SYN3: variants seen among roughly 807,000 people sequenced by gnomAD.
SYN3 encodes synapsin-3.
SYN3 carries 35 observed loss-of-function variants against 65.8 expected under a neutral mutation model. The observed-to-expected ratio is 0.53, with a 90% CI of 0.41 to 0.70. The LOEUF is 0.70. Among genes scored for constraint, SYN3 ranks in the 30% least tolerant of loss-of-function variants. SYN3 has a pLI of 0.00. For synonymous variants in SYN3, 270 were observed against 292.9 expected, an observed-to-expected ratio of 0.92 and a Z score of 0.80; for missense variants, 680 against 749.0, an observed-to-expected ratio of 0.91 and a Z score of 1.08.
At chr22:32,792,792 A>G (rs551830046) in intron 6 of SYN3, among the ~76,000 whole-genome samples, 1 of 152,268 alleles carries the variant, frequency 6.6e-6, no homozygotes, top group African/African-American at 2.4e-5. Context: ...TGAGCACTCA[A>G]CGAGAACCCA....
intron 4 of SYN3, among the ~76,000 whole-genome samples, chr22:32,881,187 G>A (rs974090242): frequency 4.6e-5 from 7 of 152,218 alleles, no homozygotes; most frequent in Non-Finnish European, 7.3e-5. Flanking sequence ...GCTGTTCCTC[G>A]GCAGCGGCTG....
chr22:32,831,854 C>A (rs542949529), intron 6 of SYN3, among the ~76,000 whole-genome samples: 9 of 152,244 alleles, frequency 5.9e-5, no homozygotes, highest in South Asian at 4.1e-4. Context: ...TGCACCCCCC[C>A]CAACCTCCAC....
At chr22:32,988,426 G>A (rs1413449363) in intron 2 of SYN3, among the ~76,000 whole-genome samples, 1 of 151,832 alleles carries the variant, frequency 6.6e-6, no homozygotes, top group African/African-American at 2.4e-5. Context: ...GGGGTGCAGG[G>A]GAAATTGGAC....
In SYN3 at chr22:32,556,795, GGTTTCCTGGTTTTTTTTTT is replaced by G. The variant is rs1337258459; in HGVS notation, c.775-15101_775-15083del. ...CAATGACCCAATGACCCAATCTATA[GGTTTCCTGGTTTTTTTTTT>G]TTTTTTTTTTTTTTTTTTTTTGTGT... On this transcript the variant is annotated intron_variant, in intron 7 of 13. Coordinates refer to ENST00000358763, the MANE Select transcript of SYN3 (RefSeq NM_003490.4). Among the ~76,000 whole-genome samples, 8 of 87,212 alleles carry G rather than the reference GGTTTCCTGGTTTTTTTTTT, an allele frequency of 9.2e-5. 1 individual carries two copies. The highest frequency in any genetic ancestry group is 2.4e-4 in the Admixed American group (2 of 8,488). 57.2% of individuals were successfully genotyped at this position (87,212 alleles called of 152,430 possible). A position where few individuals can be genotyped will look rare whatever the true frequency, so the allele number is the denominator to read the frequency against.
rs146409670 is a variant in SYN3, at chr22:32,756,224, A to C, written c.711+108691T>G. On this transcript the variant is annotated intron_variant, in intron 6 of 13. Transcript: ENST00000358763. ...TCCCAGAACTTAAAGTTCAATTAAA[A>C]AAAAAAAGTTAACTGGAGTCCCCTA... Among the ~76,000 whole-genome samples, 1,465 of 152,232 alleles carry C rather than the reference A, an allele frequency of 9.6e-3. 31 individuals are homozygous for C. The highest frequency in any genetic ancestry group is 0.034 in the African/African-American group (1,427 of 41,526).
intron 4 of SYN3, among the ~76,000 whole-genome samples, chr22:32,908,959 A>G (rs1447268558): frequency 6.6e-6 from 1 of 152,182 alleles, no homozygotes; most frequent in Non-Finnish European, 1.5e-5. Flanking sequence ...CAAGAGAAAG[A>G]CTGGACATTC....
In SYN3 at chr22:33,041,619, C is replaced by A. The variant is rs139424636; in HGVS notation, c.-163+16673G>T. ...GGCCTGCACTAGGAACTCTTTCTAACCTGTGCCAGCTTCATCTCCCACTAG... is the reference window on the plus strand; with the variant it reads ...GGCCTGCACTAGGAACTCTTTCTAAACTGTGCCAGCTTCATCTCCCACTAG... On this transcript the variant is annotated intron_variant, in intron 1 of 13. Coordinates refer to ENST00000358763, the MANE Select transcript of SYN3 (RefSeq NM_003490.4). Among the ~76,000 whole-genome samples, 564 of 152,220 alleles carry A rather than the reference C, an allele frequency of 3.7e-3. 5 individuals are homozygous for A. The highest frequency in any genetic ancestry group is 0.02 in the Middle Eastern group (6 of 294).
At chr22:32,555,027 C>T (rs1458516355) in intron 7 of SYN3, among the ~76,000 whole-genome samples, 2 of 152,310 alleles carry the variant, frequency 1.3e-5, no homozygotes, top group Middle Eastern at 3.4e-3. Context: ...TTATAACTAT[C>T]ATTATTATTC....
intron 7 of SYN3, among the ~76,000 whole-genome samples, chr22:32,551,542 G>A (rs560463256): frequency 4.0e-5 from 6 of 148,584 alleles, no homozygotes; most frequent in Non-Finnish European, 6.0e-5. Flanking sequence ...AAAAAAAACA[G>A]AGGAGACTGA....
At chr22:32,580,682 G>T (rs2058926740) in intron 7 of SYN3, among the ~76,000 whole-genome samples, 1 of 152,166 alleles carries the variant, frequency 6.6e-6, no homozygotes, top group African/African-American at 2.4e-5. Context: ...TCAAATTTCA[G>T]TGTCCATGAG....
intron 6 of SYN3, chr22:32,859,096 A>AG (rs2048460834): frequency 7.1e-7 from 1 of 1,404,928 alleles, no homozygotes; most frequent in African/African-American, 1.4e-5. Context: ...CAGTGGCCCC[A>AG]GGGTCTGAAT....
chr22:32,900,617 G>A (rs545037048), intron 4 of SYN3, among the ~76,000 whole-genome samples: 1 of 150,262 alleles, frequency 6.7e-6, no homozygotes, highest in Non-Finnish European at 1.5e-5. Context: ...GTGACATGTC[G>A]GCTTCCCTAT....
Position 32,918,275 on chromosome 22 carries a change from C to T in SYN3, c.461+13115G>A, listed in dbSNP as rs112331920. Among the ~76,000 whole-genome samples, 469 of 152,214 alleles carry T rather than the reference C, an allele frequency of 3.1e-3. 1 individual carries two copies. Among genetic ancestry groups the T allele is most frequent in the Non-Finnish European group, 5.1e-3 (350 of 68,000 alleles). On this transcript the variant is annotated intron_variant, in intron 4 of 13. Coordinates refer to ENST00000358763, the MANE Select transcript of SYN3 (RefSeq NM_003490.4). Reference sequence around the variant, plus strand: ...AAGGAAGGTTCAGTCCAGGGGGAGACGGGGGAAGTAAATAATAATTACCCT... The same window carrying T: ...AAGGAAGGTTCAGTCCAGGGGGAGATGGGGGAAGTAAATAATAATTACCCT...
At chr22:32,676,866 A>G (rs2060453884) in intron 6 of SYN3, among the ~76,000 whole-genome samples, 1 of 151,924 alleles carries the variant, frequency 6.6e-6, no homozygotes, top group Non-Finnish European at 1.5e-5. Flanking sequence ...TTCAAATGGC[A>G]CCCACGTGAC....
rs183532379 is a variant in SYN3, at chr22:32,702,346, C to T, written c.712-105610G>A. ...CAAAAAAATTAGCCGGGCGTGGTGG[C>T]GGGTGCCTGTAGTCCCAGCTACTCG... On this transcript the variant is annotated intron_variant, in intron 6 of 13. Transcript: ENST00000358763. 1.9e-3 allele frequency among the ~76,000 whole-genome samples: 290 copies of T among 152,184 alleles called. 2 individuals carry two copies. The highest frequency in any genetic ancestry group is 6.7e-3 in the African/African-American group (278 of 41,530).
chr22:32,636,762 T>A (rs1359301945), intron 6 of SYN3, among the ~76,000 whole-genome samples: 1 of 152,212 alleles, frequency 6.6e-6, no homozygotes, highest in East Asian at 1.9e-4. Flanking sequence ...TCAGGAGATT[T>A]GGACACAGGC....
At chr22:32,725,493 T>C (rs1381758589) in intron 6 of SYN3, among the ~76,000 whole-genome samples, 1 of 152,230 alleles carries the variant, frequency 6.6e-6, no homozygotes, top group Non-Finnish European at 1.5e-5. Flanking sequence ...GGGACTTTGC[T>C]GATGTGATGA....
At position 32,912,457 on chromosome 22, in the gene SYN3, T is replaced by C. The variant is rs974229366; in HGVS notation, c.461+18933A>G. On this transcript the variant is annotated intron_variant, in intron 4 of 13. Transcript: ENST00000358763. ...TTGGCTGGGCACGGTGGCTCACACC[T>C]GTAATCCCAGCACTTTGAGAGGTCG... Among the ~76,000 whole-genome samples, 8 of 152,214 alleles carry C rather than the reference T, an allele frequency of 5.3e-5. 1 individual carries two copies. In the East Asian group the frequency reaches 5.8e-4, roughly 11 times the overall value.
chr22:32,760,426 A>C (rs2045446574), intron 6 of SYN3, among the ~76,000 whole-genome samples: 1 of 152,014 alleles, frequency 6.6e-6, no homozygotes, highest in Non-Finnish European at 1.5e-5. Context: ...GATGAAGGGG[A>C]GTGACATCCC....
Sources: gnomAD v4.1 joint callset for allele counts (sites outside exome capture counted in the v4.1 genomes callset) on GRCh38, gnomAD v4.1.1 for gene constraint, MANE v1.5 for transcripts, NCBI Gene and HGNC (gene_info 2026-07-23, HGNC 2026-07-21) for gene names.